SEMA3C: variants seen among roughly 807,000 people sequenced by gnomAD.
SEMA3C encodes semaphorin 3C, also known as semaphorin-3C.
In SEMA3C, 47 loss-of-function variants were observed where a neutral mutation model predicts 89.4. The observed-to-expected ratio is 0.53, with a 90% CI of 0.42 to 0.67. SEMA3C has a LOEUF of 0.67. Among genes scored for constraint, SEMA3C ranks in the 30% least tolerant of loss-of-function variants. SEMA3C has a pLI of 0.00. For synonymous variants in SEMA3C, 310 were observed against 320.2 expected, an observed-to-expected ratio of 0.97 and a Z score of 0.34; for missense variants, 839 against 929.1, an observed-to-expected ratio of 0.90 and a Z score of 1.26.
chr7:80,902,657 C>T (rs1459183834), intron 2 of SEMA3C, among the ~76,000 whole-genome samples: 1 of 152,178 alleles, frequency 6.6e-6, no homozygotes, highest in Non-Finnish European at 1.5e-5. Context: ...CACATGTCGT[C>T]ATGATATCAC....
At chr7:80,912,377 G>A (rs1042194989) in intron 2 of SEMA3C, among the ~76,000 whole-genome samples, 6 of 151,990 alleles carry the variant, frequency 3.9e-5, no homozygotes, top group Admixed American at 3.9e-4. Context: ...GACATACGAG[G>A]CTACATTTCT....
chr7:80,857,001 T>A (rs1790657473), intron 2 of SEMA3C, among the ~76,000 whole-genome samples: 1 of 152,022 alleles, frequency 6.6e-6, no homozygotes, highest in African/African-American at 2.4e-5. Flanking sequence ...CCTCCCTTCT[T>A]CCTCCCTCTT....
intron 2 of SEMA3C, among the ~76,000 whole-genome samples, chr7:80,845,047 G>A (rs1217310480): frequency 1.3e-5 from 2 of 152,164 alleles, no homozygotes; most frequent in East Asian, 1.9e-4. Context: ...GTGAGAAACC[G>A]CTCTTGTTGA....
intron 12 of SEMA3C, among the ~76,000 whole-genome samples, chr7:80,784,935 C>T (rs1788768562): frequency 6.6e-6 from 1 of 152,118 alleles, no homozygotes; most frequent in South Asian, 2.1e-4. Flanking sequence ...TTTGCCAACC[C>T]ATAGACTAGA....
chr7:80,753,565 G>C (rs1310658166), intron 15 of SEMA3C, among the ~76,000 whole-genome samples: 3 of 152,140 alleles, frequency 2.0e-5, no homozygotes, highest in Admixed American at 2.0e-4. Flanking sequence ...CAGCAAGGCA[G>C]CCATCTGAGC....
intron 12 of SEMA3C, among the ~76,000 whole-genome samples, chr7:80,776,045 T>G (rs565539666): frequency 6.6e-6 from 1 of 152,256 alleles, no homozygotes; most frequent in African/African-American, 2.4e-5. Context: ...CTACAAAGAT[T>G]ACTTTACTAA....
intron 2 of SEMA3C, among the ~76,000 whole-genome samples, chr7:80,892,526 G>T (rs776973634): frequency 6.6e-6 from 1 of 151,774 alleles, no homozygotes; most frequent in South Asian, 2.1e-4. Context: ...ATACTAAAAA[G>T]CTTTGAAACC....
At position 80,742,575 on chromosome 7, in the gene SEMA3C, A is replaced by G. The variant is rs1787707215; in HGVS notation, c.*2319T>C. 6.6e-6 allele frequency: 1 copy of G among 152,008 alleles called. No individual in the cohort carries two copies. The highest frequency in any genetic ancestry group is 2.4e-5 in the African/African-American group (1 of 41,448). 9.4% of individuals were successfully genotyped at this position (152,008 alleles called of 1,614,324 possible). ...CATGTTTTATTTTGCCAGGCCAATGATTTCATCAATATCCAATTAAATTTT... is the reference window on the plus strand; with the variant it reads ...CATGTTTTATTTTGCCAGGCCAATGGTTTCATCAATATCCAATTAAATTTT... On this transcript the variant is annotated 3_prime_UTR_variant, in exon 18 of 18. Coordinates refer to ENST00000265361, the MANE Select transcript of SEMA3C (RefSeq NM_006379.5).
intron 2 of SEMA3C, among the ~76,000 whole-genome samples, chr7:80,830,868 A>G (rs1021424251): frequency 2.0e-5 from 3 of 152,056 alleles, no homozygotes; most frequent in Non-Finnish European, 4.4e-5. Context: ...GTCTTTCAGG[A>G]AAAAATCAGC....
intron 2 of SEMA3C, among the ~76,000 whole-genome samples, chr7:80,883,272 G>T (rs1191362666): frequency 6.6e-6 from 1 of 152,114 alleles, no homozygotes; most frequent in Non-Finnish European, 1.5e-5. Context: ...AATGTTGCTT[G>T]TGACTAAGCA....
chr7:80,830,879 C>T (rs968365859), intron 2 of SEMA3C, among the ~76,000 whole-genome samples: 3 of 152,048 alleles, frequency 2.0e-5, no homozygotes, highest in Admixed American at 6.6e-5. Context: ...AAAAATCAGC[C>T]CATGCCAGAC....
In SEMA3C at chr7:80,743,738, G is replaced by T. The variant is rs1198348568; in HGVS notation, c.*1156C>A. 1 of 151,800 alleles carries T rather than the reference G, an allele frequency of 6.6e-6. No individual in the cohort carries two copies. Among genetic ancestry groups the T allele is most frequent in the South Asian group, 2.1e-4 (1 of 4,818 alleles). The allele number at this position is 151,800 out of a possible 1,614,324, so 9.4% of individuals were successfully genotyped here. A position where few individuals can be genotyped will look rare whatever the true frequency, so the allele number is the denominator to read the frequency against. ...CTTTTACACTTAGAGACCAGTGAAC[G>T]TATGTACCATTACCTTTTGAAAGAC... On this transcript the variant is annotated 3_prime_UTR_variant, in exon 18 of 18. Transcript: ENST00000265361.
chr7:80,747,538 C>T (rs1307768347), intron 17 of SEMA3C, among the ~76,000 whole-genome samples: 1 of 152,098 alleles, frequency 6.6e-6, no homozygotes, highest in Non-Finnish European at 1.5e-5. Flanking sequence ...TAACAACTCA[C>T]TTGTATATAG....
chr7:80,769,755 A>G (rs1019935163), intron 12 of SEMA3C, among the ~76,000 whole-genome samples: 1 of 148,590 alleles, frequency 6.7e-6, no homozygotes. Flanking sequence ...GTTACTGAAG[A>G]GGCTGAGGCA....
chr7:80,907,395 GTGA>G (rs1792040286), intron 2 of SEMA3C, among the ~76,000 whole-genome samples: 1 of 151,894 alleles, frequency 6.6e-6, no homozygotes, highest in South Asian at 2.1e-4. Context: ...TGCTCTTTTG[GTGA>G]TGATAATACA....
At position 80,916,814 on chromosome 7, in the gene SEMA3C, A is replaced by G; in HGVS notation, c.-33T>C. 1 of 1,610,996 alleles carries G rather than the reference A, an allele frequency of 6.2e-7. No homozygotes were observed. Among genetic ancestry groups the G allele is most frequent in the Non-Finnish European group, 8.5e-7 (1 of 1,178,854 alleles). ...GATATGCAAGTTAATATCCAAGGGA[A>G]AATACCTTTAAGAGAGAGACAACAT... On this transcript the variant is annotated 5_prime_UTR_variant, in exon 2 of 18. Transcript: ENST00000265361.
rs950476925 is a variant in SEMA3C at position 80,863,814 on chromosome 7, CATATATATGTGATATGTGAT to C, written c.104-35089_104-35070del. Among the ~76,000 whole-genome samples the C allele has an allele frequency of 1.6e-4, 19 of 116,524 alleles. No individual in the cohort carries two copies. The East Asian group carries it at 5.3e-3, about 33-fold the overall frequency. The allele number at this position is 116,524 out of a possible 152,430, so 76.4% of individuals were successfully genotyped here. On this transcript the variant is annotated intron_variant, in intron 2 of 17. Transcript: ENST00000265361. Reference sequence around the variant, plus strand: ...TATTCCATCTGATATATATGTGATACATATATATGTGATATGTGATATATATATCACATATCACATACATA... The same window carrying C: ...TATTCCATCTGATATATATGTGATACATATATATCACATATCACATACATA...
chr7:80,812,820 T>C (rs1789500031), intron 5 of SEMA3C, among the ~76,000 whole-genome samples: 2 of 152,094 alleles, frequency 1.3e-5, no homozygotes, highest in Admixed American at 1.3e-4. Flanking sequence ...AGGGTCTAGC[T>C]CTGTCACCTG....
At chr7:80,769,791 G>A (rs796188976) in intron 12 of SEMA3C, among the ~76,000 whole-genome samples, 12 of 148,378 alleles carry the variant, frequency 8.1e-5, no homozygotes, top group African/African-American at 1.2e-4. Context: ...CCTGGGAGGC[G>A]GAAGTTGCAA....
Sources: allele counts gnomAD v4.1 joint callset (sites outside exome capture counted in the v4.1 genomes callset), GRCh38; gene constraint gnomAD v4.1.1; transcripts MANE v1.5; gene names NCBI Gene and HGNC (gene_info 2026-07-23, HGNC 2026-07-21).